TMEM94: variants seen among roughly 807,000 people sequenced by gnomAD.
TMEM94 encodes the protein transmembrane protein 94.
In TMEM94, 81 loss-of-function variants were observed where a neutral mutation model predicts 158.6. The observed-to-expected ratio is 0.51, with a 90% CI of 0.43 to 0.61. The LOEUF (loss-of-function observed/expected upper bound fraction) is 0.61. Ranked by LOEUF, TMEM94 falls within the 20% of genes least tolerant of loss-of-function variation. TMEM94 has a pLI of 0.00. For synonymous variants in TMEM94, 751 were observed against 730.7 expected, an observed-to-expected ratio of 1.03 and a Z score of -0.45; for missense variants, 1,435 against 1,762.0, an observed-to-expected ratio of 0.81 and a Z score of 3.32.
chr17:75,477,088 G>T (rs1398900570), intron 2 of TMEM94, among the ~76,000 whole-genome samples: 1 of 152,164 alleles, frequency 6.6e-6, no homozygotes, highest in East Asian at 1.9e-4. Context: ...CAGGGCCAAT[G>T]AAGGCACTTT....
chr17:75,468,721 T>C (rs556080356), intron 1 of TMEM94, among the ~76,000 whole-genome samples: 1 of 152,226 alleles, frequency 6.6e-6, no homozygotes, highest in East Asian at 1.9e-4. Context: ...TTGAGAGGAA[T>C]TGGGCGGGGT....
chr17:75,485,036 T>TA lies in TMEM94; in HGVS notation c.25-375dup, dbSNP rs61277546. ...CTAGGAGACTAAGCAAGACTCTATC[T>TA]AAAAAAAAAAAAAAAAATTGTCCAT... On this transcript the variant is annotated intron_variant, in intron 2 of 31. Coordinates refer to ENST00000314256, the MANE Select transcript of TMEM94 (RefSeq NM_014738.6). The surrounding 1 kb of genome is among the most constrained non-coding windows in gnomAD (Gnocchi z 5.5). 9.0e-3 allele frequency among the ~76,000 whole-genome samples: 1,169 copies of TA among 129,414 alleles called. 7 individuals carry two copies. The highest frequency in any genetic ancestry group is 0.044 in the Middle Eastern group (11 of 248). 84.9% of individuals were successfully genotyped at this position (129,414 alleles called of 152,430 possible).
rs1400035365 is a variant in TMEM94 at position 75,491,203 on chromosome 17, C to T, written c.1233+50C>T. Reference sequence around the variant, plus strand: ...AGGCAACTGTCATGCCCGCCCTGCTCTCTGGCTGGGCCTGGGCTGCCCACC... The same window carrying T: ...AGGCAACTGTCATGCCCGCCCTGCTTTCTGGCTGGGCCTGGGCTGCCCACC... On this transcript the variant is annotated intron_variant, in intron 12 of 31. Coordinates refer to ENST00000314256, the MANE Select transcript of TMEM94 (RefSeq NM_014738.6). The surrounding 1 kb of genome is among the most constrained non-coding windows in gnomAD (Gnocchi z 5.1). 7 of 1,592,332 alleles carry T rather than the reference C, an allele frequency of 4.4e-6. No individual in the cohort carries two copies. The highest frequency in any genetic ancestry group is 6.0e-6 in the Non-Finnish European group (7 of 1,165,374).
intron 6 of TMEM94, 108 bp downstream of exon 6, chr17:75,488,242 C>A (rs1180587374): frequency 2.8e-6 from 3 of 1,058,712 alleles, no homozygotes; most frequent in Non-Finnish European, 2.8e-6. Context: ...AGCTTACTGG[C>A]TTTTTGGCAG....
At chr17:75,462,096 T>C (rs2050100424) in intron 1 of TMEM94, among the ~76,000 whole-genome samples, 2 of 139,716 alleles carry the variant, frequency 1.4e-5, no homozygotes. Context: ...CTGCAACCTC[T>C]GCCTCCTGGG....
Position 75,500,201 on chromosome 17 carries a change from C to T in TMEM94, c.*867C>T, listed in dbSNP as rs2053145842. ...ACGCGGGTGGGTCCCTCAGGTCTGG[C>T]TCAGGCGAGACCCCTAGGGTCAGGG... On this transcript the variant is annotated 3_prime_UTR_variant, in exon 32 of 32. Coordinates refer to ENST00000314256, the MANE Select transcript of TMEM94 (RefSeq NM_014738.6). 6.6e-6 allele frequency: 1 copy of T among 152,302 alleles called. No homozygotes were observed. Among genetic ancestry groups the T allele is most frequent in the South Asian group, 2.1e-4 (1 of 4,834 alleles). 9.4% of individuals were successfully genotyped at this position (152,302 alleles called of 1,614,324 possible).
In TMEM94 at chr17:75,496,041, G is replaced by A. The variant is rs767552354; in HGVS notation, c.3020G>A (p.Arg1007Gln). The change falls in exon 23 of 32, where the codon CGG becomes CAG. Residue 1007 changes from arginine (R) to glutamine (Q), a missense_variant. This residue lies in a region of TMEM94 where 49 missense variants were observed against 98.5 expected (regional missense o/e 0.50). Transcript: ENST00000314256. Reference sequence around the variant, plus strand: ...TGCCTGGGCAGCTCTGCCAACCTGCGGAACAGCTGCCTCTTCCTCCAGAGC... The same window carrying A: ...TGCCTGGGCAGCTCTGCCAACCTGCAGAACAGCTGCCTCTTCCTCCAGAGC... Reference protein sequence around the residue: ...TCCLGSSANLRNSCLFLQSDI... With the variant: ...TCCLGSSANLQNSCLFLQSDI... The A allele has an allele frequency of 1.6e-5, 26 of 1,612,958 alleles. No individual in the cohort carries two copies. The highest frequency in any genetic ancestry group is 1.7e-5 in the Admixed American group (1 of 59,962).
chr17:75,471,500 C>G (rs1363957761), intron 1 of TMEM94, among the ~76,000 whole-genome samples: 1 of 151,806 alleles, frequency 6.6e-6, no homozygotes, highest in Non-Finnish European at 1.5e-5. Context: ...GCGGGCAGAT[C>G]ACTTGAGGTC....
Position 75,500,125 on chromosome 17 carries a change from G to GC in TMEM94, c.*794dup, listed in dbSNP as rs1178078406. 1 of 152,366 alleles carries GC rather than the reference G, an allele frequency of 6.6e-6. No homozygotes were observed. Among genetic ancestry groups the GC allele is most frequent in the Non-Finnish European group, 1.5e-5 (1 of 68,088 alleles). 9.4% of individuals were successfully genotyped at this position (152,366 alleles called of 1,614,324 possible). ...GGTCTGTAAGGCCACTCCAGGGTCT[G>GC]CCCACCCCCGGCGGTGGCTGGCAAA... On this transcript the variant is annotated 3_prime_UTR_variant, in exon 32 of 32. Transcript: ENST00000314256.
rs375894575 is a variant in TMEM94, at chr17:75,498,128, G to A, written c.3490-47G>A. Reference sequence around the variant, plus strand: ...ATACGTGGAAGAGCTAGGAGCAGCCGGCAGAGGGGCTGTGCGCCCCAGGAG... The same window carrying A: ...ATACGTGGAAGAGCTAGGAGCAGCCAGCAGAGGGGCTGTGCGCCCCAGGAG... On this transcript the variant is annotated intron_variant, in intron 27 of 31. Transcript: ENST00000314256. The surrounding 1 kb of genome is among the most constrained non-coding windows in gnomAD (Gnocchi z 6.7). The A allele has an allele frequency of 2.8e-5, 45 of 1,606,336 alleles. No homozygotes were observed. The highest frequency in any genetic ancestry group is 3.3e-4 in the Middle Eastern group (2 of 6,042).
At chr17:75,494,242 G>A (rs1420726075) in intron 18 of TMEM94, among the ~76,000 whole-genome samples, 1 of 152,182 alleles carries the variant, frequency 6.6e-6, no homozygotes, top group African/African-American at 2.4e-5. Context: ...TCAGACAGGA[G>A]ATCAGGTCTG....
At chr17:75,472,310 A>G (rs951627107) in intron 2 of TMEM94, among the ~76,000 whole-genome samples, 2 of 152,252 alleles carry the variant, frequency 1.3e-5, no homozygotes, top group African/African-American at 4.8e-5. Flanking sequence ...TGGTTAGAGA[A>G]GAGCGCCCCA....
In TMEM94 at chr17:75,493,915, C is replaced by T. The variant is rs780308812; in HGVS notation, c.2406C>T (p.Asp802=). Residue 802 remains aspartate (D), a splice_region_variant and synonymous_variant, in exon 18 of 32, where the codon GAC becomes GAT. Transcript: ENST00000314256. ...QNARRSSWSS[D]EGIGEVLEKE... is the part of the protein sequence containing the mutation. ...CCCGCCGCAGCAGCTGGAGCTCTGA[C>T]GGTACCTCATGGGTCTGTCCAGCGG... 1.2e-5 allele frequency: 20 copies of T among 1,610,732 alleles called. No individual in the cohort carries two copies. The highest frequency in any genetic ancestry group is 5.0e-5 in the Admixed American group (3 of 60,002).
intron 2 of TMEM94, among the ~76,000 whole-genome samples, chr17:75,478,899 A>AT (rs1271082196): frequency 4.6e-5 from 7 of 151,922 alleles, no homozygotes; most frequent in African/African-American, 1.5e-4. Context: ...GCCAGGTTAG[A>AT]TTTTTTCTCA....
At chr17:75,476,463 C>T in intron 2 of TMEM94, 1 of 1,381,306 alleles carries the variant, frequency 7.2e-7, no homozygotes, top group South Asian at 1.7e-5. Flanking sequence ...CCTCCTCCTC[C>T]CTCCCTGAAT....
At chr17:75,486,156 G>A in intron 4 of TMEM94, 134 bp from the exon 5 acceptor site, 2 of 1,455,672 alleles carry the variant, frequency 1.4e-6, no homozygotes, top group Admixed American at 2.0e-5. Context: ...CAGAGGCCTA[G>A]CTGGTGTCAG....
In TMEM94 at chr17:75,490,241, G is replaced by A; in HGVS notation, c.962G>A (p.Gly321Asp). The change falls in exon 10 of 32, where the codon GGC becomes GAC. Residue 321 changes from glycine to aspartate, a missense_variant. By Grantham distance (94) the Gly-to-Asp change is moderately conservative. Around this residue, in one of 3 missense-constraint regions of TMEM94, gnomAD observed 1,051 missense variants for 1,254.4 expected, o/e 0.84. Transcript: ENST00000314256. ...QYTLLQLQVN[G>D]VLPILPLLFP... ...TGGTCCGCTCCTTCCCAGGTGAATGGCGTCCTGCCCATCCTCCCCCTGCTC... is the reference window on the plus strand; with the variant it reads ...TGGTCCGCTCCTTCCCAGGTGAATGACGTCCTGCCCATCCTCCCCCTGCTC... The A allele has an allele frequency of 6.2e-7, 1 of 1,614,044 alleles. No homozygotes were observed. Among genetic ancestry groups the A allele is most frequent in the Non-Finnish European group, 8.5e-7 (1 of 1,180,004 alleles).
intron 1 of TMEM94, among the ~76,000 whole-genome samples, chr17:75,465,162 A>G (rs1464688885): frequency 6.6e-6 from 1 of 151,530 alleles, no homozygotes; most frequent in Non-Finnish European, 1.5e-5. Flanking sequence ...ATGGGTGTGT[A>G]TTGGTCTCTC....
At chr17:75,471,756 C>T (rs2050512741) in intron 1 of TMEM94, 44 bp from the exon 2 acceptor site, 1 of 732,442 alleles carries the variant, frequency 1.4e-6, no homozygotes, top group Admixed American at 2.5e-5. Context: ...ACAGTAGCTG[C>T]CTGTTCCAGC....
Sources: gnomAD v4.1 joint callset for allele counts (sites outside exome capture counted in the v4.1 genomes callset) on GRCh38, gnomAD v4.1.1 for gene constraint, gnomAD v4.1.1 regional missense constraint, Gnocchi (gnomAD v3.1) non-coding constraint, MANE v1.5 for transcripts, NCBI Gene and HGNC (gene_info 2026-07-23, HGNC 2026-07-21) for gene names.